Variants in LRRIQ1 observed in about 807,000 individuals in gnomAD.
The protein encoded by LRRIQ1 is leucine rich repeats and IQ motif containing 1.
In LRRIQ1, 210 loss-of-function variants were observed where a neutral mutation model predicts 211.9. The ratio of observed to expected loss-of-function variants is 0.99; its 90% CI spans 0.89 to 1.11. LRRIQ1 has a LOEUF of 1.11. LRRIQ1 is among the 50% of genes most tolerant of loss of function. The probability of loss-of-function intolerance (pLI) is 0.00; values close to 1 mark genes in which losing one functional copy is unlikely to be tolerated. For synonymous variants in LRRIQ1, 699 were observed against 650.1 expected (o/e 1.08, Z -1.14); for missense variants, 2,136 against 1,939.5 (o/e 1.10, Z -1.90).
intron 24 of LRRIQ1, among the ~76,000 whole-genome samples, chr12:85,181,669 A>C (rs751278353): frequency 2.6e-5 from 4 of 151,978 alleles, no homozygotes; most frequent in Admixed American, 2.0e-4. Flanking sequence ...CAGAATTGCA[A>C]CTTTTGAATG....
At chr12:85,074,001 A>G (rs1054440419) in intron 11 of LRRIQ1, among the ~76,000 whole-genome samples, 10 of 152,076 alleles carry the variant, frequency 6.6e-5, no homozygotes, top group African/African-American at 2.4e-4. Flanking sequence ...TGGAAGCAAT[A>G]CCACAATATT....
At chr12:85,054,081 A>C (rs1880682081) in intron 7 of LRRIQ1, among the ~76,000 whole-genome samples, 1 of 152,196 alleles carries the variant, frequency 6.6e-6, no homozygotes, top group African/African-American at 2.4e-5. Flanking sequence ...CCTTTTCCTT[A>C]CATTCTTTTG....
At chr12:85,234,040 G>A (rs1895069028) in intron 26 of LRRIQ1, among the ~76,000 whole-genome samples, 1 of 151,764 alleles carries the variant, frequency 6.6e-6, no homozygotes, top group African/African-American at 2.4e-5. Context: ...AGACCACTCT[G>A]GGTAACATGG....
At chr12:85,174,431 C>T (rs1243365840) in intron 24 of LRRIQ1, among the ~76,000 whole-genome samples, 2 of 151,708 alleles carry the variant, frequency 1.3e-5, no homozygotes, top group Non-Finnish European at 1.5e-5. Flanking sequence ...AGCAGTGGCT[C>T]ACACCTGTAA....
At chr12:85,162,613 A>G (rs1592907514) in intron 24 of LRRIQ1, 2 of 375,498 alleles carry the variant, frequency 5.3e-6, no homozygotes, top group Non-Finnish European at 1.0e-5. Context: ...ATATGTATGT[A>G]TGATATGTTT....
intron 24 of LRRIQ1, among the ~76,000 whole-genome samples, chr12:85,220,233 ATTT>A (rs1340426506): frequency 6.6e-6 from 1 of 152,144 alleles, no homozygotes; most frequent in Non-Finnish European, 1.5e-5. Context: ...AACCAAGAGT[ATTT>A]TATTATATTA....
intron 8 of LRRIQ1, among the ~76,000 whole-genome samples, chr12:85,064,264 C>A (rs1170552749): frequency 3.3e-5 from 5 of 151,698 alleles, no homozygotes; most frequent in Admixed American, 2.0e-4. Context: ...TTACATTTAT[C>A]TGATGATCAG....
Position 85,098,975 on chromosome 12 carries a change from A to T in LRRIQ1, c.3190A>T (p.Ile1064Phe), listed in dbSNP as rs1246517091. 1 of 1,564,412 alleles carries T rather than the reference A, an allele frequency of 6.4e-7. No individual in the cohort carries two copies. The highest frequency in any genetic ancestry group is 8.7e-7 in the Non-Finnish European group (1 of 1,150,846). Residue 1064 changes from isoleucine (I) to phenylalanine (F), a missense_variant, in exon 13 of 27, where the codon ATT (isoleucine) becomes TTT (phenylalanine). Physicochemically the swap from Ile to Phe is conservative, Grantham distance 21. Coordinates refer to ENST00000393217, the MANE Select transcript of LRRIQ1 (RefSeq NM_001079910.2). ...SSYWLPLLQN[I>F]TISQNSLTKI... ...ATACTGGCTGCCTTTACTACAAAATATTACTATCTCTCAAAACAGGTAAAA... is the reference window on the plus strand; with the variant it reads ...ATACTGGCTGCCTTTACTACAAAATTTTACTATCTCTCAAAACAGGTAAAA...
chr12:85,254,628 T>C (rs1237115160), intron 1 of LRRIQ1, among the ~76,000 whole-genome samples: 1 of 152,096 alleles, frequency 6.6e-6, no homozygotes, highest in African/African-American at 2.4e-5. Context: ...ACTAGCATAT[T>C]AATTTTACTT....
chr12:85,192,289 A>G (rs1257035200), intron 24 of LRRIQ1, among the ~76,000 whole-genome samples: 1 of 149,260 alleles, frequency 6.7e-6, no homozygotes, highest in Non-Finnish European at 1.5e-5. Context: ...TAGTTTGCTT[A>G]GGATAGTGGC....
chr12:85,078,008 A>G (rs1376205619), intron 11 of LRRIQ1, among the ~76,000 whole-genome samples: 1 of 151,266 alleles, frequency 6.6e-6, no homozygotes, highest in Non-Finnish European at 1.5e-5. Context: ...AAAATTGATT[A>G]AAGACAAAGG....
At chr12:85,163,964 T>C (rs1297199960) in intron 24 of LRRIQ1, among the ~76,000 whole-genome samples, 1 of 152,182 alleles carries the variant, frequency 6.6e-6, no homozygotes, top group Non-Finnish European at 1.5e-5. Context: ...ATGTGTCACC[T>C]ATTAGCCAGT....
At position 85,047,299 on chromosome 12, in the gene LRRIQ1, G is replaced by A. The variant is rs1255765926; in HGVS notation, c.507G>A (p.Gln169=). Residue 169 remains glutamine (Q), a synonymous_variant, in exon 6 of 27, where the codon CAG becomes CAA. Coordinates refer to ENST00000393217, the MANE Select transcript of LRRIQ1 (RefSeq NM_001079910.2). ...GYCEVEEKCR[Q]SFEAWQEKQK... Reference sequence around the variant, plus strand: ...GTGAAGTGGAAGAAAAATGTAGACAGTCTTTTGAGGCTTGGCAAGAGAAAC... The same window carrying A: ...GTGAAGTGGAAGAAAAATGTAGACAATCTTTTGAGGCTTGGCAAGAGAAAC... 1 of 1,610,868 alleles carries A rather than the reference G, an allele frequency of 6.2e-7. No homozygotes were observed. Among genetic ancestry groups the A allele is most frequent in the Admixed American group, 1.7e-5 (1 of 59,488 alleles).
chr12:85,251,500 T>C (rs1350719697), intron 1 of LRRIQ1, among the ~76,000 whole-genome samples: 3 of 151,944 alleles, frequency 2.0e-5, no homozygotes, highest in Admixed American at 6.6e-5. Flanking sequence ...GTTTAGAGTT[T>C]GGGCAGTCTC....
At chr12:85,055,525 C>A in intron 7 of LRRIQ1, 22 bp from the exon 8 acceptor site, 1 of 1,440,582 alleles carries the variant, frequency 6.9e-7, no homozygotes, top group South Asian at 1.6e-5. Flanking sequence ...TGCTGACTAC[C>A]ATGTATCTTA....
chr12:85,076,160 GC>G (rs1291691059), intron 11 of LRRIQ1, among the ~76,000 whole-genome samples: 1 of 151,508 alleles, frequency 6.6e-6, no homozygotes, highest in Non-Finnish European at 1.5e-5. Flanking sequence ...ATGTATAAGC[GC>G]TTTTTCAGCA....
In LRRIQ1 at chr12:85,073,063, A is replaced by G. The variant is rs943783864; in HGVS notation, c.2852A>G (p.Asp951Gly). ...IPITSLTKNS[D>G]CNFLISHLYW... ...ATTACCTCACTTACAAAAAATTCAG[A>G]TTGTAATTTCCTTATCTCCCACTTA... The change falls in exon 11 of 27, where the codon GAT becomes GGT. Residue 951 changes from aspartate (D) to glycine (G), a missense_variant. Transcript: ENST00000393217. 6 of 1,608,678 alleles carry G rather than the reference A, an allele frequency of 3.7e-6. No homozygotes were observed. Among genetic ancestry groups the G allele is most frequent in the East Asian group, 2.2e-5 (1 of 44,580 alleles).
chr12:85,106,664 GA>G, intron 15 of LRRIQ1, 49 bp downstream of exon 15: 3 of 1,286,396 alleles, frequency 2.3e-6, no homozygotes, highest in South Asian at 1.3e-5. Flanking sequence ...TATAGTTGCA[GA>G]AAAAAGTTTG....
chr12:85,160,333 G>C (rs950096574), intron 23 of LRRIQ1, among the ~76,000 whole-genome samples: 4 of 151,870 alleles, frequency 2.6e-5, no homozygotes, highest in Admixed American at 2.0e-4. Context: ...TAGTTGTCTT[G>C]CTTCCATCTT....
Sources: allele counts gnomAD v4.1 joint callset (sites outside exome capture counted in the v4.1 genomes callset), GRCh38; gene constraint gnomAD v4.1.1; transcripts MANE v1.5; gene names NCBI Gene and HGNC (gene_info 2026-07-23, HGNC 2026-07-21).